TENM2: variants seen among roughly 807,000 people sequenced by gnomAD.
TENM2 encodes teneurin-2.
A neutral mutation model predicts 245.2 loss-of-function variants in TENM2; 52 were observed. The observed-to-expected ratio is 0.21, with a 90% CI of 0.17 to 0.27. TENM2 has a LOEUF of 0.27. Ranked by LOEUF, TENM2 falls within the 10% of genes least tolerant of loss-of-function variation. TENM2 has a pLI of 1.00. For synonymous variants in TENM2, 1,363 were observed against 1,438.9 expected (o/e 0.95, Z 1.19); for missense variants, 3,046 against 3,666.8 (o/e 0.83, Z 4.37).
intron 1 of TENM2, among the ~76,000 whole-genome samples, chr5:167,346,050 C>A (rs996794404): frequency 3.3e-5 from 5 of 152,132 alleles, no homozygotes; most frequent in South Asian, 2.1e-4. Flanking sequence ...GACAGAACAA[C>A]ATGGCCTAAT....
intron 5 of TENM2, among the ~76,000 whole-genome samples, chr5:168,030,116 C>T (rs543772719): frequency 6.8e-6 from 1 of 146,842 alleles, no homozygotes; most frequent in Non-Finnish European, 1.5e-5. Flanking sequence ...AAAGAATGTC[C>T]CTGTTTTACC....
chr5:167,255,073 C>CTTTTTTTTT, the TENM2 span, among the ~76,000 whole-genome samples: 1 of 125,524 alleles, frequency 8.0e-6, no homozygotes, highest in Non-Finnish European at 1.7e-5. Flanking sequence ...CTTTTCTTTT[C>CTTTTTTTTT]TTTTTTTTTT....
chr5:167,475,476 A>C (rs1258960597), intron 2 of TENM2, among the ~76,000 whole-genome samples: 7 of 151,540 alleles, frequency 4.6e-5, no homozygotes, highest in Admixed American at 6.6e-5. Context: ...AAAGCATATA[A>C]TTTTTTTTTG....
At chr5:167,746,468 G>A (rs985223479) in intron 2 of TENM2, among the ~76,000 whole-genome samples, 2 of 151,808 alleles carry the variant, frequency 1.3e-5, no homozygotes, top group Non-Finnish European at 2.9e-5. Flanking sequence ...AAAGGTGAAT[G>A]ACAAACAGCC....
At chr5:167,892,382 T>C (rs1301738970) in intron 3 of TENM2, among the ~76,000 whole-genome samples, 1 of 152,194 alleles carries the variant, frequency 6.6e-6, no homozygotes, top group Non-Finnish European at 1.5e-5. Context: ...TAAGAAACAT[T>C]CCCATGTTAC....
intron 2 of TENM2, among the ~76,000 whole-genome samples, chr5:167,545,169 C>G (rs921536998): frequency 2.6e-5 from 4 of 152,130 alleles, no homozygotes; most frequent in African/African-American, 9.7e-5. Context: ...TTTATTCTCT[C>G]TGAGCTTGGC....
At position 167,663,557 on chromosome 5, in the gene TENM2, A is replaced by T. The variant is rs201731167; in HGVS notation, c.503-212429A>T. Among the ~76,000 whole-genome samples the T allele has an allele frequency of 4.6e-5, 7 of 151,902 alleles. No homozygotes were observed. In the East Asian group the frequency reaches 1.2e-3, roughly 25 times the overall value. ...CATTGTGACTAGATTTGTATTTCTT[A>T]TTTCTTATTGTATCTAGGATTTTTT... On this transcript the variant is annotated intron_variant, in intron 2 of 28. Transcript: ENST00000518659.
the TENM2 span, among the ~76,000 whole-genome samples, chr5:166,984,222 G>C: frequency 6.6e-6 from 1 of 151,990 alleles, no homozygotes; most frequent in East Asian, 1.9e-4. Flanking sequence ...CATTTCTTTT[G>C]TTTATTTAGG....
chr5:167,454,782 G>T lies in TENM2; in HGVS notation c.502+79309G>T, dbSNP rs1378585801. 2.0e-5 allele frequency among the ~76,000 whole-genome samples: 3 copies of T among 152,138 alleles called. No individual in the cohort carries two copies. In the East Asian group the frequency reaches 5.8e-4, roughly 29 times the overall value. On this transcript the variant is annotated intron_variant, in intron 2 of 28. Coordinates refer to ENST00000518659, the Ensembl canonical transcript of TENM2. ...ACCATATTTCCCACAAAAGTCCAGG[G>T]ACTCCTACGGGCTTGGTTTCAGGGA...
At chr5:167,169,069 G>A in the TENM2 span, among the ~76,000 whole-genome samples, 29 of 152,268 alleles carry the variant, frequency 1.9e-4, 1 homozygote, top group East Asian at 5.4e-3. Context: ...TGATGCCTGG[G>A]TTTAATAATA....
At chr5:167,305,201 C>T (rs1755601020) in intron 1 of TENM2, among the ~76,000 whole-genome samples, 1 of 152,196 alleles carries the variant, frequency 6.6e-6, no homozygotes, top group Non-Finnish European at 1.5e-5. Context: ...ATCTCCCACT[C>T]ACTCATGTAT....
chr5:167,451,079 G>C (rs1285347087), intron 2 of TENM2, among the ~76,000 whole-genome samples: 2 of 152,070 alleles, frequency 1.3e-5, no homozygotes, highest in African/African-American at 4.8e-5. Context: ...TTCCACTTCT[G>C]TACAGGATGT....
At chr5:167,441,375 G>A (rs1012057500) in intron 2 of TENM2, among the ~76,000 whole-genome samples, 11 of 152,060 alleles carry the variant, frequency 7.2e-5, no homozygotes, top group African/African-American at 9.7e-5. Context: ...ATTTTGTATC[G>A]TTTGGATTCC....
the TENM2 span, among the ~76,000 whole-genome samples, chr5:167,212,393 C>T: frequency 2.0e-5 from 3 of 152,058 alleles, no homozygotes; most frequent in South Asian, 2.1e-4. Context: ...ATAAATGTGC[C>T]GCACAGATGG....
At chr5:167,721,920 C>T (rs1188813212) in intron 2 of TENM2, among the ~76,000 whole-genome samples, 2 of 152,166 alleles carry the variant, frequency 1.3e-5, no homozygotes, top group African/African-American at 2.4e-5. Flanking sequence ...TTTTATAACA[C>T]ATTAGCTGTT....
At chr5:167,082,148 G>C in the TENM2 span, among the ~76,000 whole-genome samples, 1 of 152,072 alleles carries the variant, frequency 6.6e-6, no homozygotes, top group African/African-American at 2.4e-5. Context: ...ATCATGTTTT[G>C]TTCTTCTTAT....
At chr5:168,132,173 A>T (rs1318760336) in intron 12 of TENM2, among the ~76,000 whole-genome samples, 1 of 152,120 alleles carries the variant, frequency 6.6e-6, no homozygotes, top group Admixed American at 6.5e-5. Context: ...TGGGAGACAG[A>T]CTTACAGAAA....
rs1292217635 is a variant in TENM2, at chr5:168,118,365, A to G, written c.1887A>G (p.Lys629=). Residue 629 remains lysine (K), a synonymous_variant, in exon 10 of 29, where the codon AAA becomes AAG. Coordinates refer to ENST00000518659, the Ensembl canonical transcript of TENM2. Reference sequence around the variant, plus strand: ...CGTGCCAGTGCTACAGCGGCTGGAAAGGTGCAGAGTGCGACGTGCCCATGA... The same window carrying G: ...CGTGCCAGTGCTACAGCGGCTGGAAGGGTGCAGAGTGCGACGTGCCCATGA... The G allele has an allele frequency of 1.9e-5, 30 of 1,611,646 alleles. 1 individual carries two copies. The highest frequency in any genetic ancestry group is 2.4e-5 in the Non-Finnish European group (28 of 1,178,102).
intron 3 of TENM2, among the ~76,000 whole-genome samples, chr5:167,933,744 A>G (rs1355673117): frequency 6.6e-6 from 1 of 152,046 alleles, no homozygotes; most frequent in Non-Finnish European, 1.5e-5. Flanking sequence ...TGGGCTGACA[A>G]TGACTTCCTA....
Sources: allele counts gnomAD v4.1 joint callset (sites outside exome capture counted in the v4.1 genomes callset), GRCh38; gene constraint gnomAD v4.1.1; transcripts MANE v1.5; gene names NCBI Gene and HGNC (gene_info 2026-07-23, HGNC 2026-07-21).